The following ADGRE2 variants were observed in gnomAD, a reference collection of about 807,000 sequenced individuals.
ADGRE2 encodes the protein CD97 antigen.
In ADGRE2, 83 loss-of-function variants were observed where a neutral mutation model predicts 100.8. The observed-to-expected ratio is 0.82, with a 90% CI of 0.69 to 0.99. The LOEUF is 0.99. Ranked by LOEUF, ADGRE2 falls within the 50% of genes least tolerant of loss-of-function variation. The pLI, the probability that ADGRE2 is intolerant of heterozygous loss-of-function variation, is 0.00. For synonymous variants in ADGRE2, 355 were observed against 413.0 expected (o/e 0.86, Z 1.70); for missense variants, 814 against 1,035.7 (o/e 0.79, Z 2.94).
At chr19:14,769,451 A>G (rs1188312297) in intron 5 of ADGRE2, among the ~76,000 whole-genome samples, 1 of 152,078 alleles carries the variant, frequency 6.6e-6, no homozygotes, top group Non-Finnish European at 1.5e-5. Context: ...CTGTGACACC[A>G]GGTAGACAAA....
intron 20 of ADGRE2, among the ~76,000 whole-genome samples, chr19:14,737,048 AGAT>A (rs2042779624): frequency 6.6e-6 from 1 of 150,658 alleles, no homozygotes; most frequent in Non-Finnish European, 1.5e-5. Context: ...TAACTATGTG[AGAT>A]GATAGATATA....
chr19:14,774,435 G>A, intron 2 of ADGRE2, 129 bp from the exon 3 acceptor site: 1 of 1,502,060 alleles, frequency 6.7e-7, no homozygotes, highest in Non-Finnish European at 9.0e-7. Context: ...CGTTCAAACA[G>A]AGTGAGCAGA....
At chr19:14,743,011 A>G (rs115136770) in intron 20 of ADGRE2, among the ~76,000 whole-genome samples, 1,972 of 151,868 alleles carry the variant, frequency 0.013, 45 homozygotes, top group African/African-American at 0.045. Context: ...GGCTCACTAC[A>G]GCCTCAACCT....
Position 14,751,589 on chromosome 19 carries a change from A to T in ADGRE2, c.1871T>A (p.Leu624His). Residue 624 changes from leucine to histidine, a missense_variant, in exon 16 of 21, where the codon CTC becomes CAC. Leu to His is a moderately conservative substitution (Grantham distance 99). Transcript: ENST00000315576. Reference protein sequence around the residue: ...LTWMLLEALYLFLTARNLTVV... With the variant: ...LTWMLLEALYHFLTARNLTVV... ...CGTCAGGTTCCGTGCAGTGAGGAAG[A>T]GGTACAGGGCCTCCAGCAGCATCCA... The T allele has an allele frequency of 6.2e-7, 1 of 1,614,056 alleles. No homozygotes were observed. Among genetic ancestry groups the T allele is most frequent in the Non-Finnish European group, 8.5e-7 (1 of 1,180,022 alleles).
At chr19:14,747,093 T>C (rs1306842052) in intron 16 of ADGRE2, 131 bp from the exon 17 acceptor site, 1 of 799,786 alleles carries the variant, frequency 1.3e-6, no homozygotes, top group Non-Finnish European at 2.1e-6. Flanking sequence ...GTTTCTTTAG[T>C]GATAGGGTCT....
rs762665698 is a variant in ADGRE2, at chr19:14,766,319, C to T, written c.550G>A (p.Val184Met). The T allele has an allele frequency of 3.8e-5, 61 of 1,613,936 alleles. No homozygotes were observed. In the Admixed American group the frequency reaches 6.3e-4, roughly 17 times the overall value. The change falls in exon 7 of 21, where the codon GTG (valine) becomes ATG (methionine). Residue 184 changes from valine (V) to methionine (M), a missense_variant. Physicochemically the swap from Val to Met is conservative, Grantham distance 21 (BLOSUM62 1). Transcript: ENST00000315576. ...CGGCAGCGGCACTGATAGCTGCCCA[C>T]GTTGTTGAGGCAGTGGGTGGAGCTG... ...CHSSTHCLNN[V>M]GSYQCRCRPG...
intron 2 of ADGRE2, 103 bp downstream of exon 2, chr19:14,776,623 G>C: frequency 3.0e-6 from 4 of 1,334,682 alleles, no homozygotes; most frequent in Non-Finnish European, 4.2e-6. Context: ...CTCCATCGCC[G>C]GCCCCACAGA....
In ADGRE2 at chr19:14,773,995, T is replaced by C. The variant is rs759188221; in HGVS notation, c.142A>G (p.Asn48Asp). ...TCAGAAAAAGAGCTGAACCCTGGAT[T>C]GCAGCGACAGGCGGTGGCATTGACA... ...SCVNATACRC[N>D]PGFSSFSEII... The change falls in exon 4 of 21, where the codon AAT (asparagine) becomes GAT (aspartate). Residue 48 changes from asparagine to aspartate, a missense_variant. Physicochemically the swap from Asn to Asp is conservative, Grantham distance 23. Coordinates refer to ENST00000315576, the MANE Select transcript of ADGRE2 (RefSeq NM_013447.4). The C allele has an allele frequency of 7.4e-6, 12 of 1,613,870 alleles. No homozygotes were observed. Among genetic ancestry groups the C allele is most frequent in the Admixed American group, 1.7e-5 (1 of 59,980 alleles).
At chr19:14,763,780 CCTT>C (rs1223559083) in intron 11 of ADGRE2, among the ~76,000 whole-genome samples, 1 of 83,798 alleles carries the variant, frequency 1.2e-5, no homozygotes, top group Non-Finnish European at 2.5e-5. Context: ...CTCTCCTCCT[CCTT>C]TTCTCCTCCT....
At chr19:14,767,277 C>T (rs1696257157) in intron 5 of ADGRE2, among the ~76,000 whole-genome samples, 168 bp from the exon 6 acceptor site, 1 of 149,710 alleles carries the variant, frequency 6.7e-6, no homozygotes, top group African/African-American at 2.5e-5. Flanking sequence ...CTTGCTCTGT[C>T]ACCCAGGCTG....
Position 14,751,481 on chromosome 19 carries a change from G to T in ADGRE2, c.1979C>A (p.Ala660Asp). The change falls in exon 16 of 21, where the codon GCC (alanine) becomes GAC (aspartate). Residue 660 changes from alanine (A) to aspartate (D), a missense_variant. By Grantham distance (126) the Ala-to-Asp change is moderately radical (BLOSUM62 -2). This residue lies in a region of ADGRE2 where 569 missense variants were observed against 692.7 expected (regional missense o/e 0.82). Transcript: ENST00000315576. ...GTGAGGCCTGGAGGCTGCAGAAATGGCCACTGTCACAGCTGGGACTCCGTA... is the reference window on the plus strand; with the variant it reads ...GTGAGGCCTGGAGGCTGCAGAAATGTCCACTGTCACAGCTGGGACTCCGTA... ...VGYGVPAVTVAISAASRPHLY... is the reference protein window; with the variant it reads ...VGYGVPAVTVDISAASRPHLY... The T allele has an allele frequency of 6.2e-7, 1 of 1,614,114 alleles. No individual in the cohort carries two copies. Among genetic ancestry groups the T allele is most frequent in the Non-Finnish European group, 8.5e-7 (1 of 1,180,002 alleles).
At chr19:14,741,831 A>G (rs1289412824) in intron 20 of ADGRE2, 1 of 388,260 alleles carries the variant, frequency 2.6e-6, no homozygotes, top group East Asian at 3.7e-5. Context: ...TACTTTGCTC[A>G]TCAGTGAAAT....
intron 20 of ADGRE2, among the ~76,000 whole-genome samples, chr19:14,736,703 T>C (rs1313010751): frequency 6.8e-6 from 1 of 146,266 alleles, no homozygotes; most frequent in African/African-American, 2.5e-5. Context: ...TTTAGAAATA[T>C]ATAGATATTT....
intron 18 of ADGRE2, among the ~76,000 whole-genome samples, chr19:14,744,915 A>T (rs1255831812): frequency 6.6e-6 from 1 of 150,798 alleles, no homozygotes; most frequent in Non-Finnish European, 1.5e-5. Context: ...TTTGAGTTGG[A>T]GTCTTGCTCT....
At chr19:14,775,108 T>A (rs993651801) in intron 2 of ADGRE2, among the ~76,000 whole-genome samples, 1 of 151,846 alleles carries the variant, frequency 6.6e-6, no homozygotes, top group Non-Finnish European at 1.5e-5. Flanking sequence ...GTTCAAGCGG[T>A]TCTCCTGCCT....
chr19:14,751,385 A>G (rs1449905848), intron 16 of ADGRE2, 51 bp downstream of exon 16: 1 of 1,390,906 alleles, frequency 7.2e-7, no homozygotes, highest in African/African-American at 1.4e-5. Flanking sequence ...GGTTCTAGCA[A>G]TGGCCATGGT....
rs533964813 is a variant in ADGRE2 at position 14,767,513 on chromosome 19, G to A, written c.356-404C>T. 1.2e-4 allele frequency among the ~76,000 whole-genome samples: 19 copies of A among 152,174 alleles called. No homozygotes were observed. In the East Asian group the frequency reaches 3.3e-3, roughly 26 times the overall value. ...CTCGGCCTCCCAAAGTGCTGGGATT[G>A]CAGGCATGAGCCACCATGCCTGGCC... is the stretch of plus-strand genomic sequence containing the variant. On this transcript the variant is annotated intron_variant, in intron 5 of 20. Transcript: ENST00000315576.
chr19:14,754,996 G>T lies in ADGRE2; in HGVS notation c.1548C>A (p.His516Gln). Residue 516 changes from histidine to glutamine, a missense_variant, in exon 14 of 21, where the codon CAC becomes CAA. Coordinates refer to ENST00000315576, the MANE Select transcript of ADGRE2 (RefSeq NM_013447.4). ...CCATGAGGACGGCAAAGCTGCTCAGGTGGGTGCAACGGCAGATGGTGCTGG... is the reference window on the plus strand; with the variant it reads ...CCATGAGGACGGCAAAGCTGCTCAGTTGGGTGCAACGGCAGATGGTGCTGG... ...RDTSTICRCTHLSSFAVLMAH... is the reference protein window; with the variant it reads ...RDTSTICRCTQLSSFAVLMAH... The T allele has an allele frequency of 6.2e-7, 1 of 1,614,158 alleles. No individual in the cohort carries two copies. The highest frequency in any genetic ancestry group is 8.5e-7 in the Non-Finnish European group (1 of 1,180,034).
chr19:14,776,346 G>A (rs2044438393), intron 2 of ADGRE2: 1 of 129,170 alleles, frequency 7.7e-6, no homozygotes, highest in African/African-American at 3.1e-5. Flanking sequence ...CCCGCCCCCC[G>A]CCCATGTCTT....
Sources: gnomAD v4.1 joint callset for allele counts (sites outside exome capture counted in the v4.1 genomes callset) on GRCh38, gnomAD v4.1.1 for gene constraint, gnomAD v4.1.1 regional missense constraint, MANE v1.5 for transcripts, NCBI Gene and HGNC (gene_info 2026-07-23, HGNC 2026-07-21) for gene names.